The following CPEB2 variants were observed in gnomAD, a reference collection of about 807,000 sequenced individuals.
CPEB2 encodes the protein cytoplasmic polyadenylation element-binding protein 2.
In CPEB2, 56 loss-of-function variants were observed where a neutral mutation model predicts 93.6. That is an observed-to-expected ratio of 0.60 (90% CI 0.48 to 0.75). The LOEUF (loss-of-function observed/expected upper bound fraction) is 0.75. Ranked by LOEUF, CPEB2 falls within the 30% of genes least tolerant of loss-of-function variation. The pLI is 0.00. For missense variants in CPEB2, 1,579 were observed against 1,395.1 expected, an observed-to-expected ratio of 1.13 and a Z score of -2.10; for synonymous variants, 764 against 586.3, an observed-to-expected ratio of 1.30 and a Z score of -4.38.
At chr4:15,020,727 A>C (rs1724713545) in intron 4 of CPEB2, among the ~76,000 whole-genome samples, 1 of 152,172 alleles carries the variant, frequency 6.6e-6, no homozygotes, top group Non-Finnish European at 1.5e-5. Context: ...CTGTTTTTGC[A>C]CAAGTTTCCT....
chr4:15,004,133 G>T lies in CPEB2; in HGVS notation c.1460G>T (p.Gly487Val). The change falls in exon 1 of 12, where the codon GGC becomes GTC. Residue 487 changes from glycine to valine, a missense_variant. Physicochemically the swap from Gly to Val is moderately radical, Grantham distance 109. This residue lies in a region of CPEB2 where 1,411 missense variants were observed against 1,056.0 expected (regional missense o/e 1.34). Coordinates refer to ENST00000538197, the MANE Select transcript of CPEB2 (RefSeq NM_001177382.2). The stretch of plus-strand genomic sequence containing the variant: ...CCGACGAGCGGCGGCGGCGGCGGCG[G>T]CTTCGGCGGCCCCTTCTCGGCTACC... ...SVPTSGGGGG[G>V]FGGPFSATAV... 1 of 1,499,488 alleles carries T rather than the reference G, an allele frequency of 6.7e-7. No homozygotes were observed. Among genetic ancestry groups the T allele is most frequent in the South Asian group, 1.2e-5 (1 of 80,388 alleles). 92.9% of individuals were successfully genotyped at this position (1,499,488 alleles called of 1,614,324 possible).
chr4:15,026,232 G>GTT (rs146563561), intron 4 of CPEB2, among the ~76,000 whole-genome samples: 14 of 144,820 alleles, frequency 9.7e-5, no homozygotes, highest in African/African-American at 2.3e-4. Flanking sequence ...TTTTGTTTTT[G>GTT]TTTTTGTTTT....
intron 5 of CPEB2, among the ~76,000 whole-genome samples, chr4:15,040,036 T>C (rs982185036): frequency 2.6e-5 from 4 of 152,152 alleles, no homozygotes; most frequent in African/African-American, 9.6e-5. Flanking sequence ...TCTGAACAGC[T>C]ATTTATTGGA....
rs1560202832 is a variant in CPEB2 at position 15,002,883 on chromosome 4, C to CGGCGGCGCG, written c.214_222dup (p.Gly72_Gly74dup). The CGGCGGCGCG allele has an allele frequency of 6.6e-7, 1 of 1,518,962 alleles. No individual in the cohort carries two copies. Among genetic ancestry groups the CGGCGGCGCG allele is most frequent in the Non-Finnish European group, 8.8e-7 (1 of 1,142,296 alleles). 94.1% of individuals were successfully genotyped at this position (1,518,962 alleles called of 1,614,324 possible). A position where few individuals can be genotyped will look rare whatever the true frequency, so the allele number is the denominator to read the frequency against. ...CCTCCCCCTTCTCCGTCCCCCTCGGCGGCGGCGCGGGCAGCCCGGCCGCCG... is the reference window on the plus strand; with the variant it reads ...CCTCCCCCTTCTCCGTCCCCCTCGGCGGCGGCGCGGGCGGCGCGGGCAGCCCGGCCGCCG... On this transcript the variant is annotated inframe_insertion, in exon 1 of 12. Coordinates refer to ENST00000538197, the MANE Select transcript of CPEB2 (RefSeq NM_001177382.2).
chr4:15,064,375 GT>G (rs922702090), intron 11 of CPEB2, among the ~76,000 whole-genome samples: 7 of 151,974 alleles, frequency 4.6e-5, no homozygotes, highest in Admixed American at 4.6e-4. Flanking sequence ...TTAAAGTCTG[GT>G]TTTGAGTAAA....
intron 4 of CPEB2, among the ~76,000 whole-genome samples, chr4:15,020,310 G>C (rs1297619583): frequency 6.6e-6 from 1 of 152,036 alleles, no homozygotes; most frequent in Non-Finnish European, 1.5e-5. Context: ...CTACCACAGA[G>C]GTAAAAGGCA....
chr4:15,013,752 T>C (rs1192068406), intron 3 of CPEB2, among the ~76,000 whole-genome samples: 2 of 152,110 alleles, frequency 1.3e-5, no homozygotes, highest in African/African-American at 4.8e-5. Context: ...GGCTGTTTTA[T>C]GTTTGTTGCT....
chr4:15,010,065 G>C (rs1723279813), intron 3 of CPEB2, among the ~76,000 whole-genome samples: 1 of 152,196 alleles, frequency 6.6e-6, no homozygotes, highest in African/African-American at 2.4e-5. Flanking sequence ...GGTGTGATGT[G>C]ATGAAGTAAA....
At chr4:15,042,743 C>G (rs1199475911) in intron 6 of CPEB2, among the ~76,000 whole-genome samples, 2 of 152,182 alleles carry the variant, frequency 1.3e-5, no homozygotes, top group African/African-American at 4.8e-5. Flanking sequence ...TTAAAACCTG[C>G]ATACCAAAGG....
At chr4:15,042,746 A>G (rs1452870798) in intron 6 of CPEB2, among the ~76,000 whole-genome samples, 1 of 152,182 alleles carries the variant, frequency 6.6e-6, no homozygotes, top group African/African-American at 2.4e-5. Flanking sequence ...AAACCTGCAT[A>G]CCAAAGGAAT....
At chr4:15,050,656 A>C (rs1728142986) in intron 6 of CPEB2, among the ~76,000 whole-genome samples, 1 of 152,108 alleles carries the variant, frequency 6.6e-6, no homozygotes, top group Admixed American at 6.6e-5. Flanking sequence ...AATATCTCAC[A>C]TTGTTACTTA....
intron 4 of CPEB2, among the ~76,000 whole-genome samples, chr4:15,027,750 C>T (rs1331127590): frequency 6.6e-6 from 1 of 152,092 alleles, no homozygotes; most frequent in African/African-American, 2.4e-5. Flanking sequence ...TTAATAAACA[C>T]ATACAGTATA....
chr4:15,032,592 TGAA>T (rs1313880798), intron 4 of CPEB2, among the ~76,000 whole-genome samples: 2 of 152,112 alleles, frequency 1.3e-5, no homozygotes, highest in Non-Finnish European at 2.9e-5. Flanking sequence ...TTATAAACTT[TGAA>T]GAAGTTAAAT....
At chr4:15,048,741 A>G (rs1157918902) in intron 6 of CPEB2, among the ~76,000 whole-genome samples, 1 of 152,040 alleles carries the variant, frequency 6.6e-6, no homozygotes, top group Non-Finnish European at 1.5e-5. Context: ...TTCCAGCAAA[A>G]TGAATTTGTT....
intron 6 of CPEB2, among the ~76,000 whole-genome samples, chr4:15,044,847 A>G (rs181429375): frequency 1.6e-4 from 25 of 152,314 alleles, no homozygotes; most frequent in Non-Finnish European, 3.1e-4. Context: ...ACACACACGG[A>G]GACCAGAGAC....
intron 8 of CPEB2, among the ~76,000 whole-genome samples, chr4:15,054,762 A>T (rs1299208539): frequency 6.6e-6 from 1 of 152,220 alleles, no homozygotes; most frequent in African/African-American, 2.4e-5. Flanking sequence ...TCAAGTCACC[A>T]TCTGTGGGGA....
chr4:15,066,418 G>T lies in CPEB2; in HGVS notation c.*38G>T, dbSNP rs373089372. The T allele has an allele frequency of 2.1e-6, 3 of 1,425,680 alleles. No individual in the cohort carries two copies. Among genetic ancestry groups the T allele is most frequent in the African/African-American group, 1.4e-5 (1 of 70,768 alleles). 88.3% of individuals were successfully genotyped at this position (1,425,680 alleles called of 1,614,324 possible). A position where few individuals can be genotyped will look rare whatever the true frequency, so the allele number is the denominator to read the frequency against. On this transcript the variant is annotated 3_prime_UTR_variant, in exon 12 of 12. Transcript: ENST00000538197. ...GGCCTCTGTTTAACAAGGAAAGAAA[G>T]GGTGCATGTGGCTTACTGTGTCTGA...
Position 15,007,439 on chromosome 4 carries a change from G to T in CPEB2, c.1797G>T (p.Gln599His), listed in dbSNP as rs1424147314. The change falls in exon 2 of 12, where the codon CAG (glutamine) becomes CAT (histidine). Residue 599 changes from glutamine (Q) to histidine (H), a missense_variant. This residue lies in a region of CPEB2 where 1,411 missense variants were observed against 1,056.0 expected (regional missense o/e 1.34). Coordinates refer to ENST00000538197, the MANE Select transcript of CPEB2 (RefSeq NM_001177382.2). ...TGGGAATCCCAGGAACTATGAATCA[G>T]ATATCTCCATTGAAGAAACCGTTTT... Reference protein sequence around the residue: ...GNMGIPGTMNQISPLKKPFSG... With the variant: ...GNMGIPGTMNHISPLKKPFSG... 6.2e-7 allele frequency: 1 copy of T among 1,614,102 alleles called. No individual in the cohort carries two copies. Among genetic ancestry groups the T allele is most frequent in the Non-Finnish European group, 8.5e-7 (1 of 1,180,012 alleles).
chr4:15,002,916 CTCT>C lies in CPEB2; in HGVS notation c.246_248del (p.Ser84del). The stretch of plus-strand genomic sequence containing the variant: ...CGGGCAGCCCGGCCGCCGCCGCTTC[CTCT>C]TCCTCCCCGTTCCTGGCGCATCAGC... On this transcript the variant is annotated inframe_deletion, in exon 1 of 12. Transcript: ENST00000538197. 6.6e-7 allele frequency: 1 copy of C among 1,514,944 alleles called. No homozygotes were observed. Among genetic ancestry groups the C allele is most frequent in the Non-Finnish European group, 8.8e-7 (1 of 1,141,548 alleles). 93.8% of individuals were successfully genotyped at this position (1,514,944 alleles called of 1,614,324 possible).
Sources: gnomAD v4.1 joint callset for allele counts (sites outside exome capture counted in the v4.1 genomes callset) on GRCh38, gnomAD v4.1.1 for gene constraint, gnomAD v4.1.1 regional missense constraint, MANE v1.5 for transcripts, NCBI Gene and HGNC (gene_info 2026-07-23, HGNC 2026-07-21) for gene names.